Variants in KCNH1 observed in about 807,000 individuals in gnomAD.
KCNH1 encodes the protein voltage-gated delayed rectifier potassium channel KCNH1.
Under a neutral mutation model 69.2 loss-of-function variants are expected in KCNH1, and 27 were observed. The ratio of observed to expected loss-of-function variants is 0.39; its 90% confidence interval spans 0.29 to 0.54. The LOEUF (loss-of-function observed/expected upper bound fraction) is 0.54. Among genes scored for constraint, KCNH1 ranks in the 20% least tolerant of loss-of-function variants. KCNH1 has a pLI of 0.68. For synonymous variants in KCNH1, 456 were observed against 487.7 expected (o/e 0.93, Z 0.86); for missense variants, 798 against 1,261.6 (o/e 0.63, Z 5.57).
intron 5 of KCNH1, among the ~76,000 whole-genome samples, chr1:211,056,291 T>G (rs4951496): frequency 0.044 from 6,681 of 151,398 alleles, 267 homozygotes; most frequent in East Asian, 0.12. Flanking sequence ...GGGCCTAGGG[T>G]GGTGGTGGCT....
chr1:211,086,628 A>G (rs1355335338), intron 4 of KCNH1, among the ~76,000 whole-genome samples: 1 of 152,192 alleles, frequency 6.6e-6, no homozygotes, highest in Non-Finnish European at 1.5e-5. Flanking sequence ...CTCCATTCTC[A>G]GGAATGGAGA....
chr1:210,738,011 T>C (rs1366953696), intron 10 of KCNH1, among the ~76,000 whole-genome samples: 2 of 152,196 alleles, frequency 1.3e-5, no homozygotes, highest in African/African-American at 4.8e-5. Flanking sequence ...CCAAAGTCCA[T>C]GCATTGGCCT....
intron 6 of KCNH1, among the ~76,000 whole-genome samples, chr1:211,006,022 A>T (rs911800527): frequency 5.9e-5 from 9 of 152,214 alleles, no homozygotes; most frequent in African/African-American, 2.2e-4. Context: ...CATTCAAAAA[A>T]TATATATCAA....
chr1:210,955,897 C>T (rs1222215393), intron 6 of KCNH1, among the ~76,000 whole-genome samples: 2 of 152,050 alleles, frequency 1.3e-5, no homozygotes, highest in Non-Finnish European at 2.9e-5. Flanking sequence ...CCTTTATTTC[C>T]TTCTCCTGCC....
At chr1:210,822,073 T>G (rs1404475305) in intron 7 of KCNH1, among the ~76,000 whole-genome samples, 1 of 152,028 alleles carries the variant, frequency 6.6e-6, no homozygotes, top group Admixed American at 6.6e-5. Flanking sequence ...AGCTCTCAGA[T>G]GCAATGTCCA....
At chr1:210,944,666 G>C (rs1037008640) in intron 6 of KCNH1, among the ~76,000 whole-genome samples, 16 of 152,080 alleles carry the variant, frequency 1.1e-4, no homozygotes, top group Admixed American at 2.6e-4. Flanking sequence ...CACAAACCCT[G>C]GTTTCCTGAC....
intron 9 of KCNH1, among the ~76,000 whole-genome samples, chr1:210,777,977 T>C (rs1016039151): frequency 2.6e-5 from 4 of 152,202 alleles, no homozygotes; most frequent in Non-Finnish European, 5.9e-5. Context: ...TTCTTGGGAC[T>C]CTCCCTCTTG....
intron 5 of KCNH1, among the ~76,000 whole-genome samples, chr1:211,022,899 G>A (rs1689612494): frequency 6.6e-6 from 1 of 151,910 alleles, no homozygotes; most frequent in Admixed American, 6.6e-5. Context: ...ATCACCTGAG[G>A]TCAGGAGTTT....
intron 5 of KCNH1, among the ~76,000 whole-genome samples, chr1:211,078,624 T>C (rs1211325216): frequency 6.6e-6 from 1 of 152,108 alleles, no homozygotes; most frequent in Non-Finnish European, 1.5e-5. Context: ...AAGCAGTATG[T>C]AGAGGGAAAT....
chr1:211,134,146 T>G lies in KCNH1; in HGVS notation c.-201A>C. ...TCCCTCCCTGCGGCCCGCCTCGCAGTGCACTCGCGCCGGCCTCGGCTAGCG... is the reference window on the plus strand; with the variant it reads ...TCCCTCCCTGCGGCCCGCCTCGCAGGGCACTCGCGCCGGCCTCGGCTAGCG... On this transcript the variant is annotated 5_prime_UTR_variant, in exon 1 of 11. Transcript: ENST00000271751. This position sits in a 1 kb window ranked among gnomAD's most constrained non-coding sequence, Gnocchi z 5.7. 1 of 422,940 alleles carries G rather than the reference T, an allele frequency of 2.4e-6. No homozygotes were observed. The highest frequency in any genetic ancestry group is 4.2e-6 in the Non-Finnish European group (1 of 239,812). 26.2% of individuals were successfully genotyped at this position (422,940 alleles called of 1,614,324 possible). A position where few individuals can be genotyped will look rare whatever the true frequency, so the allele number is the denominator to read the frequency against.
chr1:211,052,864 T>C (rs1690230708), intron 5 of KCNH1, among the ~76,000 whole-genome samples: 1 of 152,228 alleles, frequency 6.6e-6, no homozygotes, highest in Admixed American at 6.5e-5. Context: ...TCTCTGTGTA[T>C]CTGTCCAGCT....
At chr1:210,762,816 C>T (rs930474570) in intron 10 of KCNH1, among the ~76,000 whole-genome samples, 14 of 152,022 alleles carry the variant, frequency 9.2e-5, no homozygotes, top group African/African-American at 3.4e-4. Flanking sequence ...TGGTTCCAAT[C>T]CTACTGAAAC....
At chr1:211,083,034 C>T in intron 4 of KCNH1, 136 bp from the exon 5 acceptor site, 1 of 681,018 alleles carries the variant, frequency 1.5e-6, no homozygotes, top group East Asian at 2.7e-5. Flanking sequence ...CTCTGCATCC[C>T]TGCAAGCAAG....
intron 7 of KCNH1, chr1:210,858,053 A>G (rs1258684246): frequency 6.6e-6 from 1 of 152,212 alleles, no homozygotes; most frequent in African/African-American, 2.4e-5. Context: ...AAACAGGCCA[A>G]TGAGGAAAAA....
chr1:210,974,420 G>T (rs1282373105), intron 6 of KCNH1, among the ~76,000 whole-genome samples: 2 of 151,884 alleles, frequency 1.3e-5, no homozygotes, highest in Non-Finnish European at 2.9e-5. Flanking sequence ...GCCAGATTTG[G>T]TTTGCTAATA....
chr1:211,122,070 G>A lies in KCNH1; in HGVS notation c.79+11797C>T, dbSNP rs1029718070. On this transcript the variant is annotated intron_variant, in intron 1 of 10. Coordinates refer to ENST00000271751, the MANE Select transcript of KCNH1 (RefSeq NM_172362.3). Reference sequence around the variant, plus strand: ...GGAGAATGGCGTGAACCTGGGAGGCGGGGCTTGCAGTGAGCCAAGATCATG... The same window carrying A: ...GGAGAATGGCGTGAACCTGGGAGGCAGGGCTTGCAGTGAGCCAAGATCATG... 3.3e-5 allele frequency among the ~76,000 whole-genome samples: 5 copies of A among 152,012 alleles called. No individual in the cohort carries two copies. In the East Asian group the frequency reaches 7.7e-4, roughly 23 times the overall value.
intron 10 of KCNH1, among the ~76,000 whole-genome samples, chr1:210,724,102 A>G (rs1027417978): frequency 2.6e-5 from 4 of 152,162 alleles, no homozygotes. Flanking sequence ...ACCTGATTTT[A>G]TCCTCACAAT....
chr1:210,684,275 C>T, intron 10 of KCNH1, 137 bp from the exon 11 acceptor site: 2 of 848,980 alleles, frequency 2.4e-6, no homozygotes, highest in African/African-American at 1.7e-5. Flanking sequence ...TCACAGCCTA[C>T]AAGGCCTCAT....
chr1:211,125,242 A>T (rs1691756208), intron 1 of KCNH1, among the ~76,000 whole-genome samples: 2 of 152,172 alleles, frequency 1.3e-5, no homozygotes, highest in African/African-American at 2.4e-5. Flanking sequence ...AAGGGAGCCT[A>T]CAGGTGTACT....
Sources: allele counts gnomAD v4.1 joint callset (sites outside exome capture counted in the v4.1 genomes callset), GRCh38; gene constraint gnomAD v4.1.1; non-coding constraint Gnocchi (gnomAD v3.1); transcripts MANE v1.5; gene names NCBI Gene and HGNC (gene_info 2026-07-23, HGNC 2026-07-21).